CUBN: variants seen among roughly 807,000 people sequenced by gnomAD.
CUBN encodes 460 kDa receptor.
A neutral mutation model predicts 405.3 loss-of-function variants in CUBN; 282 were observed. The ratio of observed to expected loss-of-function variants is 0.70; its 90% CI spans 0.63 to 0.77. The LOEUF is 0.77. Ranked by LOEUF, CUBN falls within the 30% of genes least tolerant of loss-of-function variation. The pLI, the probability that CUBN is intolerant of heterozygous loss-of-function variation, is 0.00. For synonymous variants in CUBN, 1,684 were observed against 1,617.0 expected (o/e 1.04, Z -0.99); for missense variants, 4,514 against 4,475.2 (o/e 1.01, Z -0.25).
chr10:16,973,304 C>A (rs1214085326), intron 31 of CUBN, among the ~76,000 whole-genome samples: 4 of 152,166 alleles, frequency 2.6e-5, no homozygotes, highest in Admixed American at 6.5e-5. Flanking sequence ...AGTGTGAACG[C>A]TTCCCTGGCT....
chr10:17,046,099 C>T lies in CUBN; in HGVS notation c.3330-5G>A, dbSNP rs1835126270. ...GATTTTTCATAGCCTCCATCTCTGG[C>T]AGAATACAGAAATTAAAATTTATTG... On this transcript the variant is annotated splice_polypyrimidine_tract_variant and splice_region_variant and intron_variant, in intron 23 of 66. Transcript: ENST00000377833. 3 of 1,611,842 alleles carry T rather than the reference C, an allele frequency of 1.9e-6. No individual in the cohort carries two copies. Among genetic ancestry groups the T allele is most frequent in the African/African-American group, 1.3e-5 (1 of 74,848 alleles).
intron 22 of CUBN, 133 bp from the exon 23 acceptor site, chr10:17,047,736 A>C: frequency 1.3e-6 from 1 of 797,694 alleles, no homozygotes; most frequent in Non-Finnish European, 2.0e-6. Context: ...TGTGCAAATA[A>C]AGACTTCATT....
intron 54 of CUBN, among the ~76,000 whole-genome samples, chr10:16,895,387 A>G (rs1841154787): frequency 6.6e-6 from 1 of 151,144 alleles, no homozygotes; most frequent in South Asian, 2.1e-4. Context: ...ACACACATAT[A>G]TATGTCAATC....
At chr10:17,110,464 T>C (rs563064039) in intron 9 of CUBN, among the ~76,000 whole-genome samples, 1 of 152,222 alleles carries the variant, frequency 6.6e-6, no homozygotes, top group Non-Finnish European at 1.5e-5. Flanking sequence ...TACTAATGTG[T>C]CCTGAATTCA....
chr10:16,990,281 C>G (rs2131715344), intron 29 of CUBN, 53 bp downstream of exon 29: 1 of 1,549,632 alleles, frequency 6.5e-7, no homozygotes, highest in East Asian at 2.2e-5. Context: ...AGAGTGATTT[C>G]CTGTTCTACC....
intron 31 of CUBN, among the ~76,000 whole-genome samples, chr10:16,964,595 A>C (rs1011785809): frequency 6.6e-6 from 1 of 152,218 alleles, no homozygotes; most frequent in African/African-American, 2.4e-5. Context: ...CTACAAATTT[A>C]ATATGAGGAG....
In CUBN at chr10:17,068,590, G is replaced by T; in HGVS notation, c.2791+15C>A. 1.9e-6 allele frequency: 3 copies of T among 1,596,368 alleles called. No homozygotes were observed. Among genetic ancestry groups the T allele is most frequent in the Non-Finnish European group, 2.6e-6 (3 of 1,169,608 alleles). ...AGCCCAAGAGGAGGAAAAAAAAAAG[G>T]GAACAGTCTCTTACCCAAATCCTCA... On this transcript the variant is annotated intron_variant, in intron 20 of 66. Transcript: ENST00000377833.
In CUBN at chr10:17,084,322, G is replaced by A; in HGVS notation, c.2250C>T (p.Phe750=). 1 of 1,614,160 alleles carries A rather than the reference G, an allele frequency of 6.2e-7. No homozygotes were observed. Among genetic ancestry groups the A allele is most frequent in the Non-Finnish European group, 8.5e-7 (1 of 1,180,032 alleles). The change falls in exon 17 of 67, where the codon TTC becomes TTT. Residue 750 remains phenylalanine (F), a synonymous_variant. Transcript: ENST00000377833. The part of the protein sequence containing the change: ...QPQGEQIQIN[F]THVELQCQSD... ...TCTGGCATTGCAGCTCCACGTGGGTGAAGTTGATTTGTATTTGTTCTCCCT... is the reference window on the plus strand; with the variant it reads ...TCTGGCATTGCAGCTCCACGTGGGTAAAGTTGATTTGTATTTGTTCTCCCT...
chr10:16,824,841 C>T lies in CUBN; in HGVS notation c.*134G>A, dbSNP rs780636. ...CTGGCCTACAAATATTGATTCTATC[C>T]ATGGTTTGGTGAAAAACCATACAAG... On this transcript the variant is annotated 3_prime_UTR_variant, in exon 67 of 67. Transcript: ENST00000377833. 108,420 of 725,722 alleles carry T rather than the reference C, an allele frequency of 0.15. 10,494 individuals are homozygous for T. Among genetic ancestry groups the T allele is most frequent in the East Asian group, 0.34 (12,063 of 35,584 alleles). 45.0% of individuals were successfully genotyped at this position (725,722 alleles called of 1,614,324 possible).
intron 27 of CUBN, among the ~76,000 whole-genome samples, chr10:17,026,477 T>TA (rs1277065860): frequency 2.0e-5 from 3 of 151,482 alleles, no homozygotes; most frequent in Admixed American, 1.3e-4. Context: ...ACTAAAAATA[T>TA]AAAAAATTAG....
At chr10:16,991,847 TCTAG>T (rs1833598789) in intron 28 of CUBN, among the ~76,000 whole-genome samples, 1 of 152,076 alleles carries the variant, frequency 6.6e-6, no homozygotes, top group Non-Finnish European at 1.5e-5. Flanking sequence ...TCCTCAGGGA[TCTAG>T]AACTACAAAT....
chr10:16,834,614 C>T (rs7898076), intron 64 of CUBN, among the ~76,000 whole-genome samples: 10,447 of 152,238 alleles, frequency 0.069, 449 homozygotes, highest in East Asian at 0.14. Context: ...TATCATTGAG[C>T]TTCATTTTAC....
chr10:16,836,045 T>C (rs1248194598), intron 63 of CUBN, among the ~76,000 whole-genome samples, 190 bp downstream of exon 63: 1 of 152,248 alleles, frequency 6.6e-6, no homozygotes, highest in Non-Finnish European at 1.5e-5. Flanking sequence ...ATATTCTCTT[T>C]ATCTCTTTAG....
At position 16,824,928 on chromosome 10, in the gene CUBN, G is replaced by T; in HGVS notation, c.*47C>A. 2.3e-6 allele frequency: 3 copies of T among 1,326,558 alleles called. No individual in the cohort carries two copies. Among genetic ancestry groups the T allele is most frequent in the Admixed American group, 1.7e-5 (1 of 59,112 alleles). The allele number at this position is 1,326,558 out of a possible 1,614,324, so 82.2% of individuals were successfully genotyped here. A position where few individuals can be genotyped will look rare whatever the true frequency, so the allele number is the denominator to read the frequency against. The stretch of plus-strand genomic sequence containing the variant: ...TATCAGGATGGCAGAGTGCTGTCCA[G>T]CGTGCTGCAGAGGGAAAGTGCTGAG... On this transcript the variant is annotated 3_prime_UTR_variant, in exon 67 of 67. Transcript: ENST00000377833.
chr10:16,940,769 A>G (rs1842630714), intron 36 of CUBN, among the ~76,000 whole-genome samples: 1 of 152,198 alleles, frequency 6.6e-6, no homozygotes, highest in South Asian at 2.1e-4. Flanking sequence ...TACCTCTAAG[A>G]CATGGTGTGG....
At chr10:16,975,691 T>C (rs2932905) in intron 31 of CUBN, among the ~76,000 whole-genome samples, 145,147 of 147,712 alleles carry the variant, frequency 0.98, 71,409 homozygotes, top group Middle Eastern at 1. Flanking sequence ...AGTGCAGTGG[T>C]GCAATCTTGG....
chr10:17,084,913 A>G (rs919417632), intron 16 of CUBN, among the ~76,000 whole-genome samples: 1 of 152,218 alleles, frequency 6.6e-6, no homozygotes, highest in Non-Finnish European at 1.5e-5. Context: ...GGAGGTTGGC[A>G]CCAGATTCCG....
chr10:16,889,167 T>A (rs1840916206), intron 55 of CUBN, among the ~76,000 whole-genome samples: 1 of 152,148 alleles, frequency 6.6e-6, no homozygotes. Flanking sequence ...TCCACTTCAC[T>A]CTCTGATCTA....
chr10:16,906,251 G>C lies in CUBN; in HGVS notation c.7864C>G (p.Leu2622Val). The C allele has an allele frequency of 1.9e-6, 3 of 1,614,114 alleles. No homozygotes were observed. The highest frequency in any genetic ancestry group is 2.5e-6 in the Non-Finnish European group (3 of 1,179,968). Reference protein sequence around the residue: ...SISIHFEDFYLESHQDCQFDV... With the variant: ...SISIHFEDFYVESHQDCQFDV... ...AATTGACAGTCTTGGTGACTTTCTA[G>C]GTAAAAATCTTCAAAGTGAATGGAA... The change falls in exon 50 of 67, where the codon CTA becomes GTA. Residue 2622 changes from leucine to valine, a missense_variant. Coordinates refer to ENST00000377833, the MANE Select transcript of CUBN (RefSeq NM_001081.4).
Sources: allele counts gnomAD v4.1 joint callset (sites outside exome capture counted in the v4.1 genomes callset), GRCh38; gene constraint gnomAD v4.1.1; transcripts MANE v1.5; gene names NCBI Gene and HGNC (gene_info 2026-07-23, HGNC 2026-07-21).